Variants in MYOCOS observed in about 807,000 individuals in gnomAD.
The protein encoded by MYOCOS is myocilin opposite strand protein.
At chr1:171,617,244 A>C (rs1427460915), upstream of MYOCOS, among the ~76,000 whole-genome samples, 1 of 151,454 alleles carries the variant, frequency 6.6e-6, no homozygotes, top group African/African-American at 2.4e-5. Flanking sequence ...TCATCCACCC[A>C]CTCCCTTCAG....
intron 1 of MYOCOS, among the ~76,000 whole-genome samples, chr1:171,609,237 G>A (rs376369116): frequency 6.6e-6 from 1 of 152,170 alleles, no homozygotes; most frequent in Non-Finnish European, 1.5e-5. Context: ...GTCAAAACTG[G>A]ACAAGCATGT....
In MYOCOS at chr1:171,608,523, T is replaced by C. The variant is rs187043321; in HGVS notation, c.-251-6275T>C. 3.4e-3 allele frequency among the ~76,000 whole-genome samples: 490 copies of C among 142,100 alleles called. 3 individuals are homozygous for C. Among genetic ancestry groups the C allele is most frequent in the African/African-American group, 0.012 (462 of 38,300 alleles). The allele number at this position is 142,100 out of a possible 152,430, so 93.2% of individuals were successfully genotyped here. On this transcript the variant is annotated intron_variant, in intron 1 of 3. Transcript: ENST00000636697. ...AGCTCCGCCTCCCGAGTTCACACCA[T>C]TCTCCAGCCTCAGCCTCCCGAGTAG... is the stretch of plus-strand genomic sequence containing the variant.
intron 2 of MYOCOS, among the ~76,000 whole-genome samples, chr1:171,625,179 C>T (rs553070420): frequency 4.5e-4 from 69 of 152,224 alleles, no homozygotes; most frequent in African/African-American, 1.6e-3. Context: ...GGGTTTAGAC[C>T]GTGAGAGTGG....
At chr1:171,618,223 G>T (rs567735281), upstream of MYOCOS, among the ~76,000 whole-genome samples, 530 of 152,320 alleles carry the variant, frequency 3.5e-3, 1 homozygote, top group African/African-American at 0.012. Context: ...TGTCACCTGG[G>T]TTGGCACTCA....
intron 1 of MYOCOS, among the ~76,000 whole-genome samples, chr1:171,601,460 A>T (rs1652140399): frequency 6.6e-6 from 1 of 151,394 alleles, no homozygotes; most frequent in South Asian, 2.1e-4. Context: ...GAGTGTGTGT[A>T]GTGTGAGCGT....
intron 2 of MYOCOS, among the ~76,000 whole-genome samples, chr1:171,616,438 G>T (rs1652452616): frequency 6.6e-6 from 1 of 151,930 alleles, no homozygotes; most frequent in African/African-American, 2.4e-5. Context: ...TACTGGGGAG[G>T]CTGAGGCAGG....
At chr1:171,624,921 T>C (rs186506487) in intron 2 of MYOCOS, among the ~76,000 whole-genome samples, 10 of 152,198 alleles carry the variant, frequency 6.6e-5, no homozygotes, top group Admixed American at 5.9e-4. Flanking sequence ...TTGTCGGGTA[T>C]GTTATGAGAT....
chr1:171,609,454 C>G (rs1022639851), intron 1 of MYOCOS, among the ~76,000 whole-genome samples: 3 of 152,102 alleles, frequency 2.0e-5, no homozygotes, highest in African/African-American at 7.2e-5. Flanking sequence ...TGGATGTATT[C>G]CCCTCCTGCA....
intron 1 of MYOCOS, among the ~76,000 whole-genome samples, chr1:171,609,764 G>A (rs191588982): frequency 9.2e-5 from 14 of 152,216 alleles, no homozygotes; most frequent in African/African-American, 3.4e-4. Context: ...GCCTCCCAAA[G>A]TGCTGGGATT....
At chr1:171,616,922 T>A (rs1251250717) in intron 2 of MYOCOS, among the ~76,000 whole-genome samples, 1 of 152,176 alleles carries the variant, frequency 6.6e-6, no homozygotes, top group African/African-American at 2.4e-5. Flanking sequence ...GCCACTGTTG[T>A]CTGTAAAAGG....
intron 2 of MYOCOS, 88 bp downstream of exon 2, chr1:171,624,066 C>G (rs1482715039): frequency 2.5e-6 from 1 of 398,270 alleles, no homozygotes; most frequent in Non-Finnish European, 4.4e-6. Context: ...CTGTAGCTGG[C>G]ACTGGTTTAT....
chr1:171,626,178 G>A (rs1183400343), intron 2 of MYOCOS, among the ~76,000 whole-genome samples: 2 of 152,098 alleles, frequency 1.3e-5, no homozygotes, highest in Non-Finnish European at 2.9e-5. Flanking sequence ...GATCTCCCAG[G>A]CTCAAGTGAT....
chr1:171,614,744 G>C (rs1652418097), intron 1 of MYOCOS: 2 of 152,228 alleles, frequency 1.3e-5, no homozygotes, highest in Non-Finnish European at 2.9e-5. Flanking sequence ...TAGGTGTTGA[G>C]ATACGGCAGT....
chr1:171,622,084 A>C (rs1220735277), upstream of MYOCOS: 1 of 152,180 alleles, frequency 6.6e-6, no homozygotes, highest in African/African-American at 2.4e-5. Context: ...CCAGCATAGA[A>C]GAAGTGCTGT....
intron 1 of MYOCOS, among the ~76,000 whole-genome samples, chr1:171,610,884 G>A (rs235902): frequency 0.15 from 23,181 of 152,192 alleles, 1,852 homozygotes; most frequent in Middle Eastern, 0.29. Context: ...GCTAGTTTAG[G>A]TCTTGCCCTA....
intron 2 of MYOCOS, among the ~76,000 whole-genome samples, chr1:171,616,140 C>A (rs1186327390): frequency 6.6e-6 from 1 of 152,142 alleles, no homozygotes; most frequent in Non-Finnish European, 1.5e-5. Context: ...TCGCTTGAAC[C>A]CCAGAGGCAG....
At chr1:171,617,474 G>A (rs1652471782), upstream of MYOCOS, among the ~76,000 whole-genome samples, 1 of 152,122 alleles carries the variant, frequency 6.6e-6, no homozygotes, top group African/African-American at 2.4e-5. Flanking sequence ...CAGTGACTTT[G>A]GACCAAGCGA....
At chr1:171,609,196 T>C (rs1652307344) in intron 1 of MYOCOS, among the ~76,000 whole-genome samples, 4 of 152,238 alleles carry the variant, frequency 2.6e-5, no homozygotes, top group Admixed American at 2.6e-4. Context: ...TTTGCCTTTC[T>C]ATGACTGGAA....
intron 1 of MYOCOS, among the ~76,000 whole-genome samples, chr1:171,607,531 C>T (rs1652273960): frequency 6.6e-6 from 1 of 152,184 alleles, no homozygotes. Context: ...CCATGGAAGA[C>T]TGAACTTCTA....
Sources: allele counts gnomAD v4.1 joint callset (sites outside exome capture counted in the v4.1 genomes callset), GRCh38; gene constraint gnomAD v4.1.1; transcripts MANE v1.5; gene names NCBI Gene and HGNC (gene_info 2026-07-23, HGNC 2026-07-21).